URI1: variants seen among roughly 807,000 people sequenced by gnomAD.
The protein encoded by URI1 is URI1 prefoldin like chaperone, also known as unconventional prefoldin RPB5 interactor 1.
In URI1, 39 loss-of-function variants were observed where a neutral mutation model predicts 60.2. The observed-to-expected ratio is 0.65, with a 90% CI of 0.50 to 0.85. The LOEUF is 0.85. Among genes scored for constraint, URI1 ranks in the 40% least tolerant of loss-of-function variants. The pLI is 0.00. For synonymous variants in URI1, 251 were observed against 236.8 expected, an observed-to-expected ratio of 1.06 and a Z score of -0.55; for missense variants, 691 against 665.9, an observed-to-expected ratio of 1.04 and a Z score of -0.42.
At chr19:29,975,806 C>T (rs183915733) in intron 2 of URI1, among the ~76,000 whole-genome samples, 1 of 152,258 alleles carries the variant, frequency 6.6e-6, no homozygotes, top group East Asian at 1.9e-4. Flanking sequence ...GCACCCGGCC[C>T]CTCAGTTCTG....
At chr19:29,988,090 C>T (rs2055695053) in intron 4 of URI1, among the ~76,000 whole-genome samples, 1 of 151,742 alleles carries the variant, frequency 6.6e-6, no homozygotes, top group African/African-American at 2.4e-5. Context: ...ATCACTTGAA[C>T]CCAGGAGGTG....
chr19:30,005,330 C>G lies in URI1; in HGVS notation c.368-31C>G, dbSNP rs763985766. The G allele has an allele frequency of 2.6e-5, 34 of 1,306,864 alleles. 1 individual carries two copies. In the South Asian group the frequency reaches 4.4e-4, roughly 17 times the overall value. 81.0% of individuals were successfully genotyped at this position (1,306,864 alleles called of 1,614,324 possible). ...TCCTACAGGTCGTATATATGCCATGCTTTACATAATGGTTGTGTTCATTGT... is the reference window on the plus strand; with the variant it reads ...TCCTACAGGTCGTATATATGCCATGGTTTACATAATGGTTGTGTTCATTGT... On this transcript the variant is annotated intron_variant, in intron 4 of 10. Transcript: ENST00000392271.
At chr19:29,992,405 CT>C (rs1332480255) in intron 4 of URI1, among the ~76,000 whole-genome samples, 1 of 152,134 alleles carries the variant, frequency 6.6e-6, no homozygotes, top group Non-Finnish European at 1.5e-5. Flanking sequence ...TGGATCTTTC[CT>C]TTTTAATTGA....
chr19:29,944,538 G>A (rs2055079967), intron 1 of URI1, among the ~76,000 whole-genome samples: 1 of 152,084 alleles, frequency 6.6e-6, no homozygotes, highest in African/African-American at 2.4e-5. Flanking sequence ...TTTTTGGGGT[G>A]CTCTGAACAG....
chr19:29,967,743 C>T (rs1287560496), intron 1 of URI1, among the ~76,000 whole-genome samples: 1 of 152,132 alleles, frequency 6.6e-6, no homozygotes. Flanking sequence ...AGGGACTGTG[C>T]ACTTTAGGAT....
intron 1 of URI1, among the ~76,000 whole-genome samples, chr19:29,964,666 T>G (rs1310024995): frequency 6.6e-6 from 1 of 151,934 alleles, no homozygotes; most frequent in African/African-American, 2.4e-5. Context: ...TTCACCATCT[T>G]GGCCAGGCTG....
At chr19:29,967,270 G>A (rs552064472) in intron 1 of URI1, among the ~76,000 whole-genome samples, 5 of 152,104 alleles carry the variant, frequency 3.3e-5, no homozygotes, top group Non-Finnish European at 7.4e-5. Flanking sequence ...TATGTTAGGT[G>A]GACACTAATG....
chr19:30,012,460 A>G lies in URI1; in HGVS notation c.1354A>G (p.Ser452Gly), dbSNP rs1426992325. 6.2e-7 allele frequency: 1 copy of G among 1,614,116 alleles called. No homozygotes were observed. The highest frequency in any genetic ancestry group is 8.5e-7 in the Non-Finnish European group (1 of 1,180,030). Residue 452 changes from serine to glycine, a missense_variant, in exon 10 of 11, where the codon AGT (serine) becomes GGT (glycine). Ser to Gly is a moderately conservative substitution (Grantham distance 56, BLOSUM62 0). Transcript: ENST00000392271. ...SCEEATCSDT[S>G]ESILEEEPQE... ...CGAAGAAGCCACTTGCAGTGACACC[A>G]GTGAGAGCATTTTGGAAGAGGAACC... is the stretch of plus-strand genomic sequence containing the variant.
At chr19:29,944,139 TCATATATATATATATATATA>T (rs2055067332) in intron 1 of URI1, among the ~76,000 whole-genome samples, 1 of 30,564 alleles carries the variant, frequency 3.3e-5, no homozygotes, top group African/African-American at 8.9e-5. Context: ...ACCCTGTCAT[TCATATATATATATATATATA>T]TATATATATA....
intron 1 of URI1, among the ~76,000 whole-genome samples, chr19:29,944,419 G>T (rs1377194825): frequency 6.6e-6 from 1 of 151,508 alleles, no homozygotes; most frequent in African/African-American, 2.4e-5. Context: ...CTCCTTCAGT[G>T]TATAATACGT....
In URI1 at chr19:30,005,417, G is replaced by A. The variant is rs1164885403; in HGVS notation, c.424G>A (p.Val142Ile). Reference protein sequence around the residue: ...KKVMKNFESRVEFTEDLQKMS... With the variant: ...KKVMKNFESRIEFTEDLQKMS... ...AGTGATGAAAAATTTTGAATCCAGA[G>A]TTGAATTCACAGAAGATTTGCAGAA... Residue 142 changes from valine (V) to isoleucine (I), a missense_variant, in exon 5 of 11, where the codon GTT becomes ATT. Physicochemically the swap from Val to Ile is conservative, Grantham distance 29. Coordinates refer to ENST00000392271, the MANE Select transcript of URI1 (RefSeq NM_003796.3). The A allele has an allele frequency of 1.9e-6, 3 of 1,603,786 alleles. No individual in the cohort carries two copies. The highest frequency in any genetic ancestry group is 2.5e-6 in the Non-Finnish European group (3 of 1,176,564).
intron 4 of URI1, among the ~76,000 whole-genome samples, chr19:29,988,876 G>A (rs887125888): frequency 1.3e-5 from 2 of 152,114 alleles, no homozygotes; most frequent in Non-Finnish European, 2.9e-5. Flanking sequence ...TTCCAAAGTG[G>A]CTGTATGATT....
At chr19:29,970,128 A>AT (rs199739403) in intron 1 of URI1, among the ~76,000 whole-genome samples, 2,483 of 74,430 alleles carry the variant, frequency 0.033, 338 homozygotes, top group African/African-American at 0.056. Context: ...AATCGTGTGT[A>AT]TTTTTTTTTT....
At chr19:29,996,504 C>T (rs557995076) in intron 4 of URI1, among the ~76,000 whole-genome samples, 2 of 147,768 alleles carry the variant, frequency 1.4e-5, no homozygotes, top group African/African-American at 5.2e-5. Context: ...TGTGTGTATT[C>T]TTTAGGGTTT....
chr19:29,991,780 T>C (rs1386508336), intron 4 of URI1, among the ~76,000 whole-genome samples: 1 of 152,234 alleles, frequency 6.6e-6, no homozygotes, highest in Non-Finnish European at 1.5e-5. Flanking sequence ...TAGGGAACTT[T>C]CTACCTGGTT....
In URI1 at chr19:29,943,348, A is replaced by T. The variant is rs184460165; in HGVS notation, c.117+684A>T. Among the ~76,000 whole-genome samples, 159 of 152,276 alleles carry T rather than the reference A, an allele frequency of 1.0e-3. 3 individuals carry two copies. The highest frequency in any genetic ancestry group is 3.8e-3 in the African/African-American group (157 of 41,560). On this transcript the variant is annotated intron_variant, in intron 1 of 10. Coordinates refer to ENST00000392271, the MANE Select transcript of URI1 (RefSeq NM_003796.3). Reference sequence around the variant, plus strand: ...ACAAAGTTTTGTGTTTCCTAGTGGGACTTTATATAAAGAAGTATTCCCAAT... The same window carrying T: ...ACAAAGTTTTGTGTTTCCTAGTGGGTCTTTATATAAAGAAGTATTCCCAAT...
intron 1 of URI1, among the ~76,000 whole-genome samples, chr19:29,926,965 G>A (rs938061130): frequency 6.6e-6 from 1 of 152,190 alleles, no homozygotes; most frequent in Non-Finnish European, 1.5e-5. Flanking sequence ...TTGAGGATGC[G>A]AATGAATTGG....
intron 2 of URI1, among the ~76,000 whole-genome samples, chr19:29,975,643 A>G (rs2055512322): frequency 6.6e-6 from 1 of 151,830 alleles, no homozygotes; most frequent in African/African-American, 2.4e-5. Context: ...AGCTGAGATT[A>G]CAGGCGCGTG....
At chr19:29,978,920 G>A (rs569332836) in intron 2 of URI1, among the ~76,000 whole-genome samples, 16 of 152,152 alleles carry the variant, frequency 1.1e-4, no homozygotes, top group African/African-American at 3.9e-4. Flanking sequence ...ACTTTAACCC[G>A]GAGGTATCTA....
Sources: allele counts gnomAD v4.1 joint callset (sites outside exome capture counted in the v4.1 genomes callset), GRCh38; gene constraint gnomAD v4.1.1; transcripts MANE v1.5; gene names NCBI Gene and HGNC (gene_info 2026-07-23, HGNC 2026-07-21).